Variants in IGF1R observed in about 807,000 individuals in gnomAD.
The protein encoded by IGF1R is insulin like growth factor 1 receptor.
A neutral mutation model predicts 144.6 loss-of-function variants in IGF1R; 44 were observed. That is an observed-to-expected ratio of 0.30 (90% CI 0.24 to 0.39). The LOEUF (loss-of-function observed/expected upper bound fraction) is 0.39, where lower values mean the gene tolerates loss of function less well. Ranked by LOEUF, IGF1R falls within the 10% of genes least tolerant of loss-of-function variation. The pLI is 1.00. For synonymous variants in IGF1R, 795 were observed against 722.8 expected (o/e 1.10, Z -1.60); for missense variants, 1,355 against 1,833.7 (o/e 0.74, Z 4.77).
rs969861011 is a variant in IGF1R at position 98,687,283 on chromosome 15, C to T, written c.95-20279C>T. ...AAGAGAAATGAGTGCAGTTGGGGTCCTGTGGCGGTGAAGGGGCGAGTCTGC... is the reference window on the plus strand; with the variant it reads ...AAGAGAAATGAGTGCAGTTGGGGTCTTGTGGCGGTGAAGGGGCGAGTCTGC... On this transcript the variant is annotated intron_variant, in intron 1 of 20. Coordinates refer to ENST00000650285, the MANE Select transcript of IGF1R (RefSeq NM_000875.5). Among the ~76,000 whole-genome samples, 181 of 152,130 alleles carry T rather than the reference C, an allele frequency of 1.2e-3. 1 individual carries two copies. Among genetic ancestry groups the T allele is most frequent in the Non-Finnish European group, 1.3e-4 (9 of 68,028 alleles).
At chr15:98,808,501 T>C (rs2056513704) in intron 2 of IGF1R, among the ~76,000 whole-genome samples, 1 of 152,124 alleles carries the variant, frequency 6.6e-6, no homozygotes, top group Non-Finnish European at 1.5e-5. Flanking sequence ...TATAGGGGCT[T>C]AAAAGCAAGT....
intron 2 of IGF1R, among the ~76,000 whole-genome samples, chr15:98,866,268 C>A (rs1400805419): frequency 1.3e-5 from 2 of 152,202 alleles, no homozygotes; most frequent in Non-Finnish European, 2.9e-5. Flanking sequence ...CACGTACTCT[C>A]TTCACTTCCG....
chr15:98,696,026 CTTTT>C (rs11306652), intron 1 of IGF1R, among the ~76,000 whole-genome samples: 7 of 115,646 alleles, frequency 6.1e-5, no homozygotes, highest in Non-Finnish European at 7.4e-5. Context: ...ACTTTTTCTT[CTTTT>C]TTTTTTTTTT....
chr15:98,824,854 T>C (rs1212244784), intron 2 of IGF1R, among the ~76,000 whole-genome samples: 1 of 152,038 alleles, frequency 6.6e-6, no homozygotes, highest in East Asian at 1.9e-4. Flanking sequence ...TTTTTTTTTT[T>C]GAAACGGATT....
At chr15:98,770,439 A>G (rs955205271) in intron 2 of IGF1R, among the ~76,000 whole-genome samples, 2 of 152,234 alleles carry the variant, frequency 1.3e-5, no homozygotes, top group Admixed American at 1.3e-4. Context: ...AATTTACTGT[A>G]TATTTCCAAA....
Position 98,957,478 on chromosome 15 carries a change from T to G in IGF1R, c.*36T>G. On this transcript the variant is annotated 3_prime_UTR_variant, in exon 21 of 21. Transcript: ENST00000650285. The stretch of plus-strand genomic sequence containing the variant: ...CTGAATCTGTGCAAACAGTAACGTG[T>G]GCGCACGCGCAGCGGGGTGGGGGGG... 6.2e-7 allele frequency: 1 copy of G among 1,611,144 alleles called. No homozygotes were observed. The highest frequency in any genetic ancestry group is 8.5e-7 in the Non-Finnish European group (1 of 1,179,422).
chr15:98,957,034 A>AC (rs748220122), intron 20 of IGF1R, 27 bp from the exon 21 acceptor site: 7 of 1,613,382 alleles, frequency 4.3e-6, no homozygotes, highest in Non-Finnish European at 5.9e-6. Context: ...CCCGGTTTGG[A>AC]CCCCCTCCCG....
At position 98,649,525 on chromosome 15, in the gene IGF1R, CTTTT is replaced by C. The variant is rs544674838; in HGVS notation, c.-36_-33del. On this transcript the variant is annotated 5_prime_UTR_variant, in exon 1 of 21. Coordinates refer to ENST00000650285, the MANE Select transcript of IGF1R (RefSeq NM_000875.5). ...TCATTTCCTTTTTTTCTTTTCTTTT[CTTTT>C]TTTTTTTTTTTTTTTTTTTTGAGAA... 9.8e-3 allele frequency: 7,102 copies of C among 721,932 alleles called. 34 individuals carry two copies. Among genetic ancestry groups the C allele is most frequent in the African/African-American group, 0.033 (1,561 of 47,372 alleles). 44.7% of individuals were successfully genotyped at this position (721,932 alleles called of 1,614,324 possible).
chr15:98,652,321 C>T, intron 1 of IGF1R, among the ~76,000 whole-genome samples: 1 of 152,360 alleles, frequency 6.6e-6, no homozygotes, highest in East Asian at 1.9e-4. Context: ...TAAAAGGATT[C>T]AGTCATCTTT....
chr15:98,779,142 T>C (rs1309492368), intron 2 of IGF1R, among the ~76,000 whole-genome samples: 1 of 152,258 alleles, frequency 6.6e-6, no homozygotes, highest in Admixed American at 6.5e-5. Flanking sequence ...ACATCCACTT[T>C]GTTCCAGAAC....
intron 13 of IGF1R, among the ~76,000 whole-genome samples, chr15:98,928,358 C>T (rs567787623): frequency 6.6e-6 from 1 of 152,304 alleles, no homozygotes; most frequent in African/African-American, 2.4e-5. Context: ...CATGTCCCCC[C>T]AATTCTCCAA....
Position 98,958,062 on chromosome 15 carries a change from C to G in IGF1R, c.*620C>G. ...TCCTGAACTTTCTCCCTCATCGGCC[C>G]GGCGCTGATTCCTCGTGTCCGGAGG... is the stretch of plus-strand genomic sequence containing the variant. On this transcript the variant is annotated 3_prime_UTR_variant, in exon 21 of 21. Transcript: ENST00000650285. 1 of 234,192 alleles carries G rather than the reference C, an allele frequency of 4.3e-6. No homozygotes were observed. Among genetic ancestry groups the G allele is most frequent in the Non-Finnish European group, 8.4e-6 (1 of 118,480 alleles). 14.5% of individuals were successfully genotyped at this position (234,192 alleles called of 1,614,324 possible). A position where few individuals can be genotyped will look rare whatever the true frequency, so the allele number is the denominator to read the frequency against.
intron 2 of IGF1R, among the ~76,000 whole-genome samples, chr15:98,812,502 G>T (rs575739106): frequency 2.0e-5 from 3 of 151,856 alleles, no homozygotes; most frequent in Non-Finnish European, 4.4e-5. Context: ...GATTACAGAC[G>T]CCTGCCACCA....
At chr15:98,725,760 C>T (rs944532648) in intron 2 of IGF1R, among the ~76,000 whole-genome samples, 1 of 152,234 alleles carries the variant, frequency 6.6e-6, no homozygotes, top group African/African-American at 2.4e-5. Flanking sequence ...ATTGGACTTA[C>T]AATTCCACAT....
intron 2 of IGF1R, among the ~76,000 whole-genome samples, chr15:98,827,166 A>G (rs2056909678): frequency 2.0e-5 from 3 of 152,180 alleles, no homozygotes. Flanking sequence ...ATGAATAACA[A>G]ATAAACATGA....
chr15:98,851,363 G>A (rs563189831), intron 2 of IGF1R, among the ~76,000 whole-genome samples: 21 of 152,202 alleles, frequency 1.4e-4, no homozygotes, highest in Non-Finnish European at 2.9e-4. Flanking sequence ...TTTTGTTTAC[G>A]TTTTCAGCTT....
At chr15:98,752,765 G>T (rs1343391809) in intron 2 of IGF1R, among the ~76,000 whole-genome samples, 2 of 151,946 alleles carry the variant, frequency 1.3e-5, no homozygotes, top group African/African-American at 2.4e-5. Flanking sequence ...AACTAATGAT[G>T]TGTATAATAT....
intron 2 of IGF1R, among the ~76,000 whole-genome samples, chr15:98,855,388 G>C (rs1236827394): frequency 6.6e-6 from 1 of 152,224 alleles, no homozygotes; most frequent in Non-Finnish European, 1.5e-5. Context: ...GATTAACTGT[G>C]CCTGGCCCTG....
intron 2 of IGF1R, among the ~76,000 whole-genome samples, chr15:98,816,691 G>A (rs559152794): frequency 6.6e-6 from 1 of 152,338 alleles, no homozygotes; most frequent in South Asian, 2.1e-4. Flanking sequence ...TGGAGTGTAA[G>A]AATATGAATA....
Sources: gnomAD v4.1 joint callset for allele counts (sites outside exome capture counted in the v4.1 genomes callset) on GRCh38, gnomAD v4.1.1 for gene constraint, MANE v1.5 for transcripts, NCBI Gene and HGNC (gene_info 2026-07-23, HGNC 2026-07-21) for gene names.